The following KIRREL3 variants were observed in gnomAD, a reference collection of about 807,000 sequenced individuals.
The protein encoded by KIRREL3 is kin of IRRE-like protein 3.
In KIRREL3, 36 loss-of-function variants were observed where a neutral mutation model predicts 89.7. The observed-to-expected ratio is 0.40, with a 90% CI of 0.31 to 0.53. KIRREL3 has a LOEUF of 0.53. KIRREL3 is among the 20% of genes least tolerant of loss of function. KIRREL3 has a pLI of 0.49. For missense variants in KIRREL3, 864 were observed against 1,056.6 expected (o/e 0.82, Z 2.53); for synonymous variants, 445 against 441.4 (o/e 1.01, Z -0.10).
intron 1 of KIRREL3, among the ~76,000 whole-genome samples, chr11:126,951,917 G>A (rs111958913): frequency 0.027 from 4,038 of 152,232 alleles, 80 homozygotes; most frequent in Middle Eastern, 0.065. Flanking sequence ...AAGAAAAGAA[G>A]CAATTGACCA....
At chr11:126,821,523 A>G (rs868335082) in intron 1 of KIRREL3, among the ~76,000 whole-genome samples, 4 of 151,710 alleles carry the variant, frequency 2.6e-5, no homozygotes, top group South Asian at 2.1e-4. Flanking sequence ...TCATTTATAA[A>G]AGGGGAGACA....
At chr11:126,591,368 A>T (rs967950502) in intron 1 of KIRREL3, among the ~76,000 whole-genome samples, 1 of 152,220 alleles carries the variant, frequency 6.6e-6, no homozygotes, top group Admixed American at 6.5e-5. Context: ...CTAAAGGCAT[A>T]CATCCCTTAG....
rs1950178060 is a variant in KIRREL3, at chr11:126,776,683, T to C, written c.56-213771A>G. 6.6e-6 allele frequency among the ~76,000 whole-genome samples: 1 copy of C among 152,208 alleles called. No homozygotes were observed. Among genetic ancestry groups the C allele is most frequent in the South Asian group, 2.1e-4 (1 of 4,828 alleles). On this transcript the variant is annotated intron_variant, in intron 1 of 16. Transcript: ENST00000525144. The surrounding 1 kb of genome is among the most constrained non-coding windows in gnomAD (Gnocchi z 4.7). Reference sequence around the variant, plus strand: ...TTGTGGGGTCACAGAAGTCAACTGTTAAAACCTTGTGGTAATCCAAAGAGA... The same window carrying C: ...TTGTGGGGTCACAGAAGTCAACTGTCAAAACCTTGTGGTAATCCAAAGAGA...
intron 1 of KIRREL3, among the ~76,000 whole-genome samples, chr11:126,701,996 A>G (rs1332428581): frequency 6.6e-6 from 1 of 152,144 alleles, no homozygotes; most frequent in Non-Finnish European, 1.5e-5. Flanking sequence ...TCCTTTCTTT[A>G]TAACAGGGTA....
In KIRREL3 at chr11:126,795,182, G is replaced by A. The variant is rs1950766148; in HGVS notation, c.55+205273C>T. 6.6e-6 allele frequency among the ~76,000 whole-genome samples: 1 copy of A among 152,078 alleles called. No homozygotes were observed. Among genetic ancestry groups the A allele is most frequent in the East Asian group, 1.9e-4 (1 of 5,198 alleles). On this transcript the variant is annotated intron_variant, in intron 1 of 16. Coordinates refer to ENST00000525144, the MANE Select transcript of KIRREL3 (RefSeq NM_032531.4). This position sits in a 1 kb window ranked among gnomAD's most constrained non-coding sequence, Gnocchi z 4.1. ...GTGGATACATGTCATCACACATTTG[G>A]CCAAGCCCATAGAGTGTACAGCATA...
intron 1 of KIRREL3, among the ~76,000 whole-genome samples, chr11:126,784,097 A>G (rs1040962264): frequency 6.6e-6 from 1 of 152,222 alleles, no homozygotes; most frequent in African/African-American, 2.4e-5. Flanking sequence ...GAATCTGAGA[A>G]GCCGTCACAG....
At chr11:126,933,457 G>T (rs542669096) in intron 1 of KIRREL3, among the ~76,000 whole-genome samples, 10 of 150,884 alleles carry the variant, frequency 6.6e-5, no homozygotes, top group Admixed American at 6.0e-4. Flanking sequence ...ATGTTTTAAA[G>T]AATTTCAAAT....
Position 126,579,994 on chromosome 11 carries a change from C to T in KIRREL3, c.56-17082G>A, listed in dbSNP as rs372316238. On this transcript the variant is annotated intron_variant, in intron 1 of 16. Coordinates refer to ENST00000525144, the MANE Select transcript of KIRREL3 (RefSeq NM_032531.4). The surrounding 1 kb of genome is among the most constrained non-coding windows in gnomAD (Gnocchi z 5.3). ...CCGAGTAGCTGGGACTATAGGCGCCCGCCACCATGCCAAGCTAATTTTTTG... is the reference window on the plus strand; with the variant it reads ...CCGAGTAGCTGGGACTATAGGCGCCTGCCACCATGCCAAGCTAATTTTTTG... 3.6e-3 allele frequency among the ~76,000 whole-genome samples: 555 copies of T among 152,116 alleles called. 9 individuals are homozygous for T. Among genetic ancestry groups the T allele is most frequent in the African/African-American group, 0.013 (520 of 41,492 alleles).
rs1473639070 is a variant in KIRREL3, at chr11:126,495,043, A to C, written c.434-21577T>G. 6.6e-6 allele frequency among the ~76,000 whole-genome samples: 1 copy of C among 152,186 alleles called. No individual in the cohort carries two copies. The highest frequency in any genetic ancestry group is 1.9e-4 in the East Asian group (1 of 5,194). ...TTCAACCAGGGTGGCTAGGCTGTGC[A>C]CTGGCCAATTCCAGTGGGCACTGAG... On this transcript the variant is annotated intron_variant, in intron 4 of 16. Coordinates refer to ENST00000525144, the MANE Select transcript of KIRREL3 (RefSeq NM_032531.4). This position sits in a 1 kb window ranked among gnomAD's most constrained non-coding sequence, Gnocchi z 6.5.
At chr11:126,637,504 G>T (rs140788263) in intron 1 of KIRREL3, among the ~76,000 whole-genome samples, 64 of 152,208 alleles carry the variant, frequency 4.2e-4, no homozygotes, top group African/African-American at 1.4e-3. Context: ...CTGCCTATTT[G>T]TCCAGAACCC....
At position 126,807,462 on chromosome 11, in the gene KIRREL3, C is replaced by G. The variant is rs1422458053; in HGVS notation, c.55+192993G>C. Among the ~76,000 whole-genome samples, 1 of 152,180 alleles carries G rather than the reference C, an allele frequency of 6.6e-6. No individual in the cohort carries two copies. The highest frequency in any genetic ancestry group is 2.4e-5 in the African/African-American group (1 of 41,448). ...TAGCTATGTGTTTAACCATTCATGT[C>G]TAACTATTCAAATTTAAAAATCTGT... On this transcript the variant is annotated intron_variant, in intron 1 of 16. Transcript: ENST00000525144. The surrounding 1 kb of genome is among the most constrained non-coding windows in gnomAD (Gnocchi z 4.3).
At chr11:126,524,771 T>C (rs1262678481) in intron 3 of KIRREL3, among the ~76,000 whole-genome samples, 1 of 152,152 alleles carries the variant, frequency 6.6e-6, no homozygotes, top group Non-Finnish European at 1.5e-5. Flanking sequence ...AGTTTCCCTG[T>C]AGGAGAGCTT....
Position 126,571,960 on chromosome 11 carries a change from A to G in KIRREL3, c.56-9048T>C, listed in dbSNP as rs1300544868. ...TCTGTCTTCCACACACCCTGTGAGG[A>G]ACAGGGGCTGCCAAAAGCCATATGC... On this transcript the variant is annotated intron_variant, in intron 1 of 16. Transcript: ENST00000525144. This position sits in a 1 kb window ranked among gnomAD's most constrained non-coding sequence, Gnocchi z 7.7. Among the ~76,000 whole-genome samples the G allele has an allele frequency of 6.6e-6, 1 of 152,178 alleles. No individual in the cohort carries two copies. Among genetic ancestry groups the G allele is most frequent in the African/African-American group, 2.4e-5 (1 of 41,444 alleles).
rs755958252 is a variant in KIRREL3, at chr11:126,709,391, G to A, written c.56-146479C>T. Among the ~76,000 whole-genome samples the A allele has an allele frequency of 6.6e-6, 1 of 152,146 alleles. No homozygotes were observed. Among genetic ancestry groups the A allele is most frequent in the African/African-American group, 2.4e-5 (1 of 41,428 alleles). On this transcript the variant is annotated intron_variant, in intron 1 of 16. Coordinates refer to ENST00000525144, the MANE Select transcript of KIRREL3 (RefSeq NM_032531.4). This position sits in a 1 kb window ranked among gnomAD's most constrained non-coding sequence, Gnocchi z 4.0. ...CCCGGGCAGAAGATGCAGCCAAACA[G>A]GAAAGACAGAGTTCACACCTAACTG... is the stretch of plus-strand genomic sequence containing the variant.
Position 126,809,046 on chromosome 11 carries a change from G to T in KIRREL3, c.55+191409C>A, listed in dbSNP as rs535338134. Among the ~76,000 whole-genome samples the T allele has an allele frequency of 3.3e-5, 5 of 152,304 alleles. No homozygotes were observed. In the South Asian group the frequency reaches 1.0e-3, roughly 32 times the overall value. ...AAAAACAGGCAAGGAGCCAGCCCTT[G>T]TGTACAGGCCTCTAATAATAAACCC... On this transcript the variant is annotated intron_variant, in intron 1 of 16. Transcript: ENST00000525144.
At chr11:126,543,063 T>A (rs1263220355) in intron 2 of KIRREL3, among the ~76,000 whole-genome samples, 6 of 152,174 alleles carry the variant, frequency 3.9e-5, no homozygotes, top group Admixed American at 1.3e-4. Flanking sequence ...CCAAGCCAGA[T>A]GTCCCCCGTG....
intron 7 of KIRREL3, among the ~76,000 whole-genome samples, chr11:126,451,271 C>CGTGTGCATGTGTGCGT (rs1210390817): frequency 1.1e-5 from 1 of 92,302 alleles, no homozygotes; most frequent in East Asian, 3.5e-4. Context: ...CTTGTGTGTC[C>CGTGTGCATGTGTGCGT]GTGTGCATGT....
chr11:126,937,720 A>T (rs1036639698), intron 1 of KIRREL3, among the ~76,000 whole-genome samples: 3 of 152,090 alleles, frequency 2.0e-5, no homozygotes, highest in Non-Finnish European at 2.9e-5. Flanking sequence ...TAACACAGTG[A>T]AACCCCATCT....
At chr11:126,836,340 C>T (rs1293803766) in intron 1 of KIRREL3, among the ~76,000 whole-genome samples, 3 of 152,152 alleles carry the variant, frequency 2.0e-5, no homozygotes, top group South Asian at 4.1e-4. Context: ...CAATCTGATA[C>T]CTTTAAGGTT....
Sources: gnomAD v4.1 joint callset for allele counts (sites outside exome capture counted in the v4.1 genomes callset) on GRCh38, gnomAD v4.1.1 for gene constraint, Gnocchi (gnomAD v3.1) non-coding constraint, MANE v1.5 for transcripts, NCBI Gene and HGNC (gene_info 2026-07-23, HGNC 2026-07-21) for gene names.